Variants in ROBO2 observed in about 807,000 individuals in gnomAD.
ROBO2 encodes roundabout guidance receptor 2, also known as roundabout homolog 2.
Under a neutral mutation model 160.8 loss-of-function variants are expected in ROBO2, and 53 were observed. The observed-to-expected ratio is 0.33, with a 90% CI of 0.26 to 0.41. ROBO2 has a LOEUF of 0.41. Among genes scored for constraint, ROBO2 ranks in the 10% least tolerant of loss-of-function variants. ROBO2 has a pLI of 1.00. For missense variants in ROBO2, 1,577 were observed against 1,722.4 expected, an observed-to-expected ratio of 0.92 and a Z score of 1.49; for synonymous variants, 664 against 611.7, an observed-to-expected ratio of 1.09 and a Z score of -1.26.
At chr3:76,559,235 G>A (rs1578144417) in intron 2 of ROBO2, among the ~76,000 whole-genome samples, 2 of 152,102 alleles carry the variant, frequency 1.3e-5, no homozygotes, top group African/African-American at 4.8e-5. Context: ...TTGTGATAGG[G>A]ATAACAATAA....
At position 77,614,732 on chromosome 3, in the gene ROBO2, ACC is replaced by A. The variant is rs1384657921; in HGVS notation, c.3294-2780_3294-2779del. Among the ~76,000 whole-genome samples the A allele has an allele frequency of 5.2e-3, 779 of 150,510 alleles. 4 individuals carry two copies. Among genetic ancestry groups the A allele is most frequent in the African/African-American group, 0.018 (745 of 41,206 alleles). ...TATTATTCCCCCAAAAAACCAACCA[ACC>A]AACCAACCAACCAACCAACCAAACA... On this transcript the variant is annotated intron_variant, in intron 21 of 25. Transcript: ENST00000461745.
At chr3:76,820,641 G>A (rs1286916870) in intron 2 of ROBO2, among the ~76,000 whole-genome samples, 1 of 151,932 alleles carries the variant, frequency 6.6e-6, no homozygotes, top group Non-Finnish European at 1.5e-5. Flanking sequence ...TTTATATCAG[G>A]AAATTCCAGT....
chr3:77,099,893 G>A (rs890326560), intron 2 of ROBO2, among the ~76,000 whole-genome samples: 1 of 151,942 alleles, frequency 6.6e-6, no homozygotes, highest in African/African-American at 2.4e-5. Flanking sequence ...TTAGGGAATT[G>A]TGTCATATTT....
At chr3:77,138,926 T>G (rs1024977918) in intron 2 of ROBO2, among the ~76,000 whole-genome samples, 2 of 152,146 alleles carry the variant, frequency 1.3e-5, no homozygotes, top group African/African-American at 4.8e-5. Flanking sequence ...AAAAAATGTC[T>G]GACTCTGGCT....
chr3:76,748,455 A>G (rs1438334236), intron 2 of ROBO2, among the ~76,000 whole-genome samples: 1 of 151,784 alleles, frequency 6.6e-6, no homozygotes, highest in Non-Finnish European at 1.5e-5. Flanking sequence ...TTTAAAAACA[A>G]CTGGTACTGT....
chr3:76,398,388 A>G (rs1023804658), intron 2 of ROBO2, among the ~76,000 whole-genome samples: 1 of 151,876 alleles, frequency 6.6e-6, no homozygotes, highest in African/African-American at 2.4e-5. Flanking sequence ...TGACAAGTTA[A>G]TGGGTGCAGC....
At chr3:76,145,722 G>A (rs2106797503) in intron 2 of ROBO2, among the ~76,000 whole-genome samples, 1 of 152,036 alleles carries the variant, frequency 6.6e-6, no homozygotes, top group East Asian at 1.9e-4. Flanking sequence ...TTGGGTAGAA[G>A]TTTACATTTC....
chr3:76,590,228 A>T (rs1289873660), intron 2 of ROBO2, among the ~76,000 whole-genome samples: 1 of 152,172 alleles, frequency 6.6e-6, no homozygotes, highest in African/African-American at 2.4e-5. Flanking sequence ...TGTCAGACAA[A>T]TGTATGCTAA....
chr3:77,222,260 A>G (rs1256842068), intron 2 of ROBO2, among the ~76,000 whole-genome samples: 1 of 152,186 alleles, frequency 6.6e-6, no homozygotes, highest in Non-Finnish European at 1.5e-5. Flanking sequence ...CATATCCAAA[A>G]CCTGCTATAG....
chr3:76,796,002 C>T (rs1358618838), intron 2 of ROBO2, among the ~76,000 whole-genome samples: 2 of 152,104 alleles, frequency 1.3e-5, no homozygotes, highest in Non-Finnish European at 2.9e-5. Flanking sequence ...ACTAGGTGTA[C>T]TATCAATGAG....
At chr3:76,345,391 A>G (rs2074463148) in intron 2 of ROBO2, among the ~76,000 whole-genome samples, 2 of 149,722 alleles carry the variant, frequency 1.3e-5, no homozygotes, top group African/African-American at 4.9e-5. Flanking sequence ...GTGTATAAAC[A>G]TGTGCAGGTG....
At chr3:76,798,207 G>A (rs1290326253) in intron 2 of ROBO2, among the ~76,000 whole-genome samples, 5 of 108,882 alleles carry the variant, frequency 4.6e-5, no homozygotes, top group African/African-American at 1.1e-4. Context: ...GAAAGAAAGA[G>A]AAAGAGAAAA....
intron 2 of ROBO2, among the ~76,000 whole-genome samples, chr3:76,118,405 G>A (rs546130949): frequency 6.6e-6 from 1 of 152,240 alleles, no homozygotes; most frequent in South Asian, 2.1e-4. Flanking sequence ...GCTCACTAAA[G>A]CATTATCCTC....
In ROBO2 at chr3:77,407,653, G is replaced by A. The variant is rs544575921; in HGVS notation, c.389-69761G>A. 5.3e-5 allele frequency among the ~76,000 whole-genome samples: 8 copies of A among 152,286 alleles called. No individual in the cohort carries two copies. In the South Asian group the frequency reaches 1.5e-3, roughly 28 times the overall value. On this transcript the variant is annotated intron_variant, in intron 2 of 25. Transcript: ENST00000461745. ...ATTAAGGTGAAACATGAGGTAATTA[G>A]GGCTAATCCTCCCAGCCTCCTGCTG...
chr3:77,219,303 G>A (rs895641415), intron 2 of ROBO2, among the ~76,000 whole-genome samples: 3 of 151,520 alleles, frequency 2.0e-5, no homozygotes, highest in Admixed American at 2.0e-4. Flanking sequence ...AGTGCCCATT[G>A]TTGCTCCTTT....
intron 21 of ROBO2, among the ~76,000 whole-genome samples, chr3:77,609,485 T>G (rs2094584643): frequency 6.6e-6 from 1 of 152,064 alleles, no homozygotes; most frequent in African/African-American, 2.4e-5. Flanking sequence ...GTTAAAGCTT[T>G]ATATGCATAA....
At chr3:77,242,231 T>C (rs2089151788) in intron 2 of ROBO2, among the ~76,000 whole-genome samples, 1 of 152,140 alleles carries the variant, frequency 6.6e-6, no homozygotes, top group Non-Finnish European at 1.5e-5. Context: ...GAATTTAAAA[T>C]GTAACCAAAA....
At chr3:77,109,178 A>T (rs1308275597) in intron 2 of ROBO2, among the ~76,000 whole-genome samples, 1 of 152,232 alleles carries the variant, frequency 6.6e-6, no homozygotes, top group Non-Finnish European at 1.5e-5. Context: ...AGTTTTGTAC[A>T]GTACCTTCTA....
chr3:77,025,338 C>A (rs1184246770), intron 2 of ROBO2, among the ~76,000 whole-genome samples: 2 of 151,970 alleles, frequency 1.3e-5, no homozygotes, highest in Non-Finnish European at 2.9e-5. Context: ...CATTTTGAGA[C>A]TAGAAAACAA....
Sources: allele counts gnomAD v4.1 joint callset (sites outside exome capture counted in the v4.1 genomes callset), GRCh38; gene constraint gnomAD v4.1.1; transcripts MANE v1.5; gene names NCBI Gene and HGNC (gene_info 2026-07-23, HGNC 2026-07-21).